The following LY86 variants were observed in gnomAD, a reference collection of about 807,000 sequenced individuals.
LY86 encodes MD-1, RP105-associated.
A neutral mutation model predicts 17.3 loss-of-function variants in LY86; 20 were observed. That is an observed-to-expected ratio of 1.15 (90% confidence interval 0.81 to 1.68). The LOEUF is 1.68. Among genes scored for constraint, LY86 ranks in the 40% most tolerant of loss-of-function variants. The pLI, the probability that LY86 is intolerant of heterozygous loss-of-function variation, is 0.00. For synonymous variants in LY86, 74 were observed against 70.6 expected (o/e 1.05, Z -0.24); for missense variants, 200 against 191.9 (o/e 1.04, Z -0.25).
chr6:6,624,416 T>TGGGAG (rs1761745527), intron 1 of LY86, among the ~76,000 whole-genome samples: 1 of 145,962 alleles, frequency 6.9e-6, no homozygotes, highest in African/African-American at 2.6e-5. Flanking sequence ...TGGGTTGGGA[T>TGGGAG]GGGATGGGAT....
At chr6:6,611,364 T>G (rs942529848) in intron 1 of LY86, among the ~76,000 whole-genome samples, 3 of 152,330 alleles carry the variant, frequency 2.0e-5, no homozygotes, top group East Asian at 3.9e-4. Flanking sequence ...AAACCCTCTC[T>G]GCCTCAGTTT....
rs900278857 is a variant in LY86 at position 6,626,475 on chromosome 6, G to A, written c.352+54G>A. The A allele has an allele frequency of 3.4e-5, 54 of 1,601,752 alleles. No individual in the cohort carries two copies. In the East Asian group the frequency reaches 3.6e-4, roughly 11 times the overall value. ...CAGGGGCCTGCAGAGAGATAAACTC[G>A]AACTTGCATCTGAGGCCAGGACGCC... On this transcript the variant is annotated intron_variant, in intron 3 of 4. Transcript: ENST00000230568.
chr6:6,592,945 A>G (rs1440496137), intron 1 of LY86, among the ~76,000 whole-genome samples: 1 of 152,254 alleles, frequency 6.6e-6, no homozygotes, highest in Non-Finnish European at 1.5e-5. Flanking sequence ...ATAGAGCAGC[A>G]TGAGAGGTAA....
At chr6:6,604,321 T>C (rs1581234619) in intron 1 of LY86, among the ~76,000 whole-genome samples, 1 of 152,136 alleles carries the variant, frequency 6.6e-6, no homozygotes, top group East Asian at 1.9e-4. Flanking sequence ...ATACAGTATA[T>C]AAAATGTATA....
At chr6:6,653,961 C>T (rs1024750863) in intron 4 of LY86, among the ~76,000 whole-genome samples, 4 of 152,178 alleles carry the variant, frequency 2.6e-5, no homozygotes, top group Admixed American at 1.3e-4. Context: ...GGGATCTTAC[C>T]GACACAGGCG....
chr6:6,607,498 CAA>C (rs1316461206), intron 1 of LY86, among the ~76,000 whole-genome samples: 2 of 151,306 alleles, frequency 1.3e-5, no homozygotes, highest in African/African-American at 4.8e-5. Flanking sequence ...ACAATAAAAA[CAA>C]AAGAAAAAAT....
At chr6:6,589,126 A>G (rs1760447821) in intron 1 of LY86, among the ~76,000 whole-genome samples, 1 of 152,208 alleles carries the variant, frequency 6.6e-6, no homozygotes, top group African/African-American at 2.4e-5. Flanking sequence ...AAATATAGCC[A>G]TTTACTAACA....
intron 3 of LY86, among the ~76,000 whole-genome samples, chr6:6,633,892 TTG>T (rs3840175): frequency 6.6e-5 from 10 of 151,686 alleles, no homozygotes; most frequent in South Asian, 2.1e-4. Flanking sequence ...GTTAAATAAA[TTG>T]TGTGTGTGTG....
intron 1 of LY86, among the ~76,000 whole-genome samples, chr6:6,618,333 CTT>C (rs2113130959): frequency 6.6e-6 from 1 of 152,224 alleles, no homozygotes; most frequent in East Asian, 1.9e-4. Context: ...AGAAGCCAAA[CTT>C]AGGTTATTCT....
chr6:6,637,424 ATTCT>A (rs1419125814), intron 3 of LY86, among the ~76,000 whole-genome samples: 1 of 152,180 alleles, frequency 6.6e-6, no homozygotes, highest in Non-Finnish European at 1.5e-5. Context: ...ACATCAGTCA[ATTCT>A]TTATGTTCCT....
chr6:6,629,416 A>G (rs1046406345), intron 3 of LY86, among the ~76,000 whole-genome samples: 3 of 152,260 alleles, frequency 2.0e-5, no homozygotes, highest in Non-Finnish European at 4.4e-5. Flanking sequence ...AGAAGGGGAA[A>G]AAAGAACACC....
intron 1 of LY86, among the ~76,000 whole-genome samples, chr6:6,611,697 T>C (rs1198797042): frequency 6.6e-6 from 1 of 152,242 alleles, no homozygotes; most frequent in African/African-American, 2.4e-5. Context: ...CGGTCGTGTT[T>C]GTCCCCCCTT....
At chr6:6,589,293 A>G (rs1760453961) in intron 1 of LY86, among the ~76,000 whole-genome samples, 1 of 152,156 alleles carries the variant, frequency 6.6e-6, no homozygotes, top group Non-Finnish European at 1.5e-5. Context: ...AGTGAAGTGA[A>G]AAGATCACTT....
At chr6:6,616,480 G>C (rs1350090228) in intron 1 of LY86, among the ~76,000 whole-genome samples, 2 of 152,156 alleles carry the variant, frequency 1.3e-5, no homozygotes, top group African/African-American at 4.8e-5. Flanking sequence ...TTAGCAAACA[G>C]GGATGTTACT....
intron 1 of LY86, among the ~76,000 whole-genome samples, chr6:6,612,499 A>G (rs1006093307): frequency 4.1e-5 from 6 of 148,020 alleles, no homozygotes; most frequent in African/African-American, 1.0e-4. Flanking sequence ...AACAACAAAA[A>G]CACTTACTGC....
At chr6:6,602,618 G>A (rs1017901427) in intron 1 of LY86, among the ~76,000 whole-genome samples, 1 of 152,154 alleles carries the variant, frequency 6.6e-6, no homozygotes, top group African/African-American at 2.4e-5. Flanking sequence ...AGACAGGGAA[G>A]AAAAAGAAGC....
chr6:6,615,719 C>A (rs1457632378), intron 1 of LY86, among the ~76,000 whole-genome samples: 501 of 91,096 alleles, frequency 5.5e-3, no homozygotes, highest in Middle Eastern at 0.011. Flanking sequence ...GATGTTGTCT[C>A]AAAAAAAAAA....
intron 1 of LY86, among the ~76,000 whole-genome samples, chr6:6,596,062 CTGA>C (rs1251167652): frequency 1.3e-5 from 2 of 152,238 alleles, no homozygotes; most frequent in African/African-American, 4.8e-5. Context: ...TCCCATGCTG[CTGA>C]TGTTTGCTAC....
At chr6:6,602,227 TCTC>T (rs1441558421) in intron 1 of LY86, among the ~76,000 whole-genome samples, 1 of 152,214 alleles carries the variant, frequency 6.6e-6, no homozygotes, top group Admixed American at 6.5e-5. Flanking sequence ...TTTGGAATAT[TCTC>T]ATCAGCCCAA....
Sources: allele counts gnomAD v4.1 joint callset (sites outside exome capture counted in the v4.1 genomes callset), GRCh38; gene constraint gnomAD v4.1.1; transcripts MANE v1.5; gene names NCBI Gene and HGNC (gene_info 2026-07-23, HGNC 2026-07-21).